The following SETDB1 variants were observed in gnomAD, a reference collection of about 807,000 sequenced individuals.
The protein encoded by SETDB1 is histone-lysine N-methyltransferase SETDB1.
In SETDB1, 31 loss-of-function variants were observed where a neutral mutation model predicts 137.4. The observed-to-expected ratio is 0.23, with a 90% CI of 0.17 to 0.30. The LOEUF is 0.30. Ranked by LOEUF, SETDB1 falls within the 10% of genes least tolerant of loss-of-function variation. The pLI is 1.00. For synonymous variants in SETDB1, 548 were observed against 579.9 expected, an observed-to-expected ratio of 0.95 and a Z score of 0.79; for missense variants, 1,113 against 1,631.5, an observed-to-expected ratio of 0.68 and a Z score of 5.47.
chr1:150,959,068 A>G, intron 14 of SETDB1, 110 bp from the exon 15 acceptor site: 1 of 749,084 alleles, frequency 1.3e-6, no homozygotes, highest in Non-Finnish European at 2.0e-6. Context: ...TTTAATCTTT[A>G]TCCACAACAC....
chr1:150,928,459 T>C (rs996820934), intron 2 of SETDB1, among the ~76,000 whole-genome samples: 2 of 152,186 alleles, frequency 1.3e-5, no homozygotes, highest in African/African-American at 4.8e-5. Flanking sequence ...CCTCCTGTGC[T>C]CTATCTTAGA....
chr1:150,950,483 G>C lies in SETDB1; in HGVS notation c.1609G>C (p.Ala537Pro), dbSNP rs1316961468. The part of the protein sequence containing the change: ...YRSPLGSTAS[A>P]PAPSALPAPP... The stretch of plus-strand genomic sequence containing the variant: ...ATCACCTTTAGGCTCCACAGCCTCT[G>C]CCCCAGCACCCTCAGCACTCCCGGC... The change falls in exon 13 of 22, where the codon GCC (alanine) becomes CCC (proline). Residue 537 changes from alanine (A) to proline (P), a missense_variant. Ala to Pro is a conservative substitution (Grantham distance 27). Transcript: ENST00000692827. The C allele has an allele frequency of 6.2e-7, 1 of 1,607,758 alleles. No individual in the cohort carries two copies. Among genetic ancestry groups the C allele is most frequent in the East Asian group, 2.2e-5 (1 of 44,824 alleles).
chr1:150,931,360 C>T lies in SETDB1; in HGVS notation c.412+1242C>T, dbSNP rs184124395. On this transcript the variant is annotated intron_variant, in intron 3 of 21. Transcript: ENST00000692827. ...CAGCACTTTGGGAGGCCAAGGAGGG[C>T]GGATCATGAGGTCAGGAGATCCAGA... 1.2e-3 allele frequency among the ~76,000 whole-genome samples: 182 copies of T among 149,670 alleles called. 8 individuals carry two copies. In the East Asian group the frequency reaches 0.029, roughly 24 times the overall value.
rs1231636763 is a variant in SETDB1 at position 150,941,193 on chromosome 1, G to A, written c.448-136G>A. The A allele has an allele frequency of 2.2e-5, 13 of 581,694 alleles. No homozygotes were observed. In the Middle Eastern group the frequency reaches 1.5e-3, roughly 69 times the overall value. 36.0% of individuals were successfully genotyped at this position (581,694 alleles called of 1,614,324 possible). A position where few individuals can be genotyped will look rare whatever the true frequency, so the allele number is the denominator to read the frequency against. ...AAAAAGAGTAAGGGCAGCTTTGCCA[G>A]ATAAAGTAACCATAAGCTTCCAAAC... is the stretch of plus-strand genomic sequence containing the variant. On this transcript the variant is annotated intron_variant, in intron 4 of 21. Coordinates refer to ENST00000692827, the MANE Select transcript of SETDB1 (RefSeq NM_001366418.1).
At position 150,950,547 on chromosome 1, in the gene SETDB1, G is replaced by A. The variant is rs778278659; in HGVS notation, c.1673G>A (p.Arg558Gln). Residue 558 changes from arginine (R) to glutamine (Q), a missense_variant, in exon 13 of 22, where the codon CGG (arginine) becomes CAG (glutamine). By Grantham distance (43) the Arg-to-Gln change is conservative. Around this residue, in one of 11 missense-constraint regions of SETDB1, gnomAD observed 192 missense variants for 198.1 expected, o/e 0.97. Coordinates refer to ENST00000692827, the MANE Select transcript of SETDB1 (RefSeq NM_001366418.1). ...APPVFHGMLE[R>Q]APAEPSYRAP... ...CCAGTCTTCCATGGCATGCTGGAGC[G>A]GGCCCCAGCAGAGCCCTCCTACCGT... The A allele has an allele frequency of 6.2e-6, 10 of 1,613,890 alleles. No homozygotes were observed. Among genetic ancestry groups the A allele is most frequent in the East Asian group, 2.2e-5 (1 of 44,884 alleles).
In SETDB1 at chr1:150,964,067, G is replaced by A. The variant is rs1369103301; in HGVS notation, c.3745G>A (p.Ala1249Thr). Residue 1249 changes from alanine (A) to threonine (T), a missense_variant, in exon 21 of 22, where the codon GCC (alanine) becomes ACC (threonine). Physicochemically the swap from Ala to Thr is moderately conservative, Grantham distance 58. Around this residue, in one of 11 missense-constraint regions of SETDB1, gnomAD observed 37 missense variants for 123.2 expected, o/e 0.30. Transcript: ENST00000692827. ...CCATGATCTTCGCTTCCCCTGGGTG[G>A]CCTTCTTTGCCAGCAAGTAAGGAGT... The part of the protein sequence containing the change: ...DTHDLRFPWV[A>T]FFASKRIRAG... 2 of 1,613,992 alleles carry A rather than the reference G, an allele frequency of 1.2e-6. No individual in the cohort carries two copies. Among genetic ancestry groups the A allele is most frequent in the Non-Finnish European group, 8.5e-7 (1 of 1,179,904 alleles).
intron 14 of SETDB1, among the ~76,000 whole-genome samples, chr1:150,956,692 C>T (rs974036924): frequency 3.3e-5 from 5 of 151,218 alleles, no homozygotes; most frequent in Non-Finnish European, 7.4e-5. Context: ...GTGTATATTA[C>T]GTTTCAATAA....
At chr1:150,953,081 C>T (rs150001172) in intron 14 of SETDB1, among the ~76,000 whole-genome samples, 1 of 152,272 alleles carries the variant, frequency 6.6e-6, no homozygotes, top group East Asian at 1.9e-4. Context: ...GGAGTAAGCC[C>T]TGGGTGCCCC....
chr1:150,942,819 G>T (rs587770369), intron 6 of SETDB1, 33 bp from the exon 7 acceptor site: 1 of 1,607,978 alleles, frequency 6.2e-7, no homozygotes, highest in East Asian at 2.2e-5. Context: ...AACTGGCAGT[G>T]TTTAAAAAGA....
rs1670895838 is a variant in SETDB1 at position 150,963,634 on chromosome 1, G to A, written c.3565G>A (p.Gly1189Arg). The A allele has an allele frequency of 3.1e-6, 5 of 1,614,114 alleles. No homozygotes were observed. The highest frequency in any genetic ancestry group is 4.5e-5 in the East Asian group (2 of 44,878). Residue 1189 changes from glycine (G) to arginine (R), a missense_variant, in exon 20 of 22, where the codon GGG (glycine) becomes AGG (arginine). Around this residue, in one of 11 missense-constraint regions of SETDB1, gnomAD observed 373 missense variants for 412.7 expected, o/e 0.90. Coordinates refer to ENST00000692827, the MANE Select transcript of SETDB1 (RefSeq NM_001366418.1). ...KSTNMASVDK[G>R]ESAPVRKNTR... Reference sequence around the variant, plus strand: ...AACCAACATGGCCTCTGTGGACAAGGGGGAGAGCGCACCTGTTCGTAAGAA... The same window carrying A: ...AACCAACATGGCCTCTGTGGACAAGAGGGAGAGCGCACCTGTTCGTAAGAA...
At chr1:150,929,049 A>C (rs1669636838) in intron 2 of SETDB1, among the ~76,000 whole-genome samples, 1 of 152,198 alleles carries the variant, frequency 6.6e-6, no homozygotes, top group Non-Finnish European at 1.5e-5. Context: ...TGCCGCAATA[A>C]ACATACGTGT....
intron 3 of SETDB1, among the ~76,000 whole-genome samples, chr1:150,930,866 T>G (rs1484851371): frequency 1.3e-5 from 2 of 152,088 alleles, no homozygotes; most frequent in Non-Finnish European, 2.9e-5. Flanking sequence ...AACTAATTCA[T>G]GCAAGTAAAG....
chr1:150,947,460 A>G (rs1032256580), intron 10 of SETDB1, among the ~76,000 whole-genome samples: 3 of 152,014 alleles, frequency 2.0e-5, no homozygotes, highest in Admixed American at 1.3e-4. Context: ...CATCCAGCGT[A>G]TAGTCAGTTT....
intron 10 of SETDB1, 45 bp from the exon 11 acceptor site, chr1:150,949,077 T>A: frequency 6.4e-7 from 1 of 1,566,348 alleles, no homozygotes; most frequent in Non-Finnish European, 8.8e-7. Flanking sequence ...AATACAAGCG[T>A]CATAGCTATC....
At chr1:150,956,270 C>T (rs1670638119) in intron 14 of SETDB1, among the ~76,000 whole-genome samples, 1 of 151,434 alleles carries the variant, frequency 6.6e-6, no homozygotes, top group African/African-American at 2.4e-5. Context: ...CCTGTAATCC[C>T]AGCTACTCCA....
At chr1:150,951,152 T>C (rs1376095645) in intron 13 of SETDB1, 62 bp downstream of exon 13, 1 of 1,519,780 alleles carries the variant, frequency 6.6e-7, no homozygotes, top group African/African-American at 1.4e-5. Flanking sequence ...CTGTTTCACC[T>C]CTTCCTTTGC....
chr1:150,953,782 T>C (rs1057388028), intron 14 of SETDB1, among the ~76,000 whole-genome samples: 1 of 151,706 alleles, frequency 6.6e-6, no homozygotes, highest in African/African-American at 2.4e-5. Context: ...TAAGCTGAGA[T>C]TGCACCACTG....
chr1:150,929,280 G>C (rs1254797770), intron 2 of SETDB1, among the ~76,000 whole-genome samples: 4 of 152,074 alleles, frequency 2.6e-5, no homozygotes, highest in Non-Finnish European at 4.4e-5. Context: ...TTTAATGATC[G>C]CCATTCTAAC....
intron 14 of SETDB1, among the ~76,000 whole-genome samples, chr1:150,954,234 G>A (rs991029761): frequency 2.0e-5 from 3 of 152,090 alleles, no homozygotes; most frequent in African/African-American, 7.2e-5. Context: ...GAGGCAGAAA[G>A]ATCACTTGAG....
Sources: allele counts gnomAD v4.1 joint callset (sites outside exome capture counted in the v4.1 genomes callset), GRCh38; gene constraint gnomAD v4.1.1; regional missense constraint gnomAD v4.1.1; transcripts MANE v1.5; gene names NCBI Gene and HGNC (gene_info 2026-07-23, HGNC 2026-07-21).